The following SPPL3 variants were observed in gnomAD, a reference collection of about 807,000 sequenced individuals.
The protein encoded by SPPL3 is signal peptide peptidase like 3, also known as signal peptide peptidase-like 3.
SPPL3 carries 5 observed loss-of-function variants against 42.4 expected under a neutral mutation model. That is an observed-to-expected ratio of 0.12 (90% confidence interval 0.06 to 0.25). The LOEUF is 0.25. SPPL3 is among the 10% of genes least tolerant of loss of function. SPPL3 has a pLI of 1.00. For synonymous variants in SPPL3, 195 were observed against 181.8 expected, an observed-to-expected ratio of 1.07 and a Z score of -0.58; for missense variants, 235 against 489.0, an observed-to-expected ratio of 0.48 and a Z score of 4.90.
intron 2 of SPPL3, among the ~76,000 whole-genome samples, chr12:120,793,720 AAGCCACCC>A (rs149017571): frequency 0.088 from 13,385 of 152,176 alleles, 1,701 homozygotes; most frequent in African/African-American, 0.28. Context: ...TTTGCTGTTT[AAGCCACCC>A]AGTCTATGGG....
intron 1 of SPPL3, among the ~76,000 whole-genome samples, chr12:120,826,659 G>T (rs1316112042): frequency 3.3e-5 from 5 of 152,138 alleles, no homozygotes; most frequent in African/African-American, 1.2e-4. Flanking sequence ...GCAATAAGAA[G>T]AATATTTAAT....
chr12:120,822,192 A>G (rs1272990922), intron 1 of SPPL3, among the ~76,000 whole-genome samples: 6 of 152,362 alleles, frequency 3.9e-5, no homozygotes, highest in South Asian at 2.1e-4. Context: ...TGCACAAAAC[A>G]TAAGTGAACG....
Position 120,867,060 on chromosome 12 carries a change from C to T in SPPL3, c.23+36785G>A, listed in dbSNP as rs942904197. ...ATTATCTCTCAAACTCTACAATGTA[C>T]TCCTAAGATTTAGCAATTTCTATTG... On this transcript the variant is annotated intron_variant, in intron 1 of 10. Coordinates refer to ENST00000353487, the MANE Select transcript of SPPL3 (RefSeq NM_139015.5). Among the ~76,000 whole-genome samples the T allele has an allele frequency of 3.9e-5, 6 of 152,194 alleles. No homozygotes were observed. The South Asian group carries it at 6.2e-4, about 16-fold the overall frequency.
chr12:120,852,751 ATAT>A lies in SPPL3; in HGVS notation c.24-41868_24-41866del, dbSNP rs1872283628. 2.9e-5 allele frequency among the ~76,000 whole-genome samples: 2 copies of A among 70,086 alleles called. 1 individual carries two copies. Among genetic ancestry groups the A allele is most frequent in the African/African-American group, 1.0e-4 (2 of 19,480 alleles). The allele number at this position is 70,086 out of a possible 152,430, so 46.0% of individuals were successfully genotyped here. A position where few individuals can be genotyped will look rare whatever the true frequency, so the allele number is the denominator to read the frequency against. ...ATAATATACATATAATATATTTCAT[ATAT>A]TATATCTATGTATATTATATATAAA... On this transcript the variant is annotated intron_variant, in intron 1 of 10. Transcript: ENST00000353487.
At chr12:120,793,742 T>G (rs917468302) in intron 2 of SPPL3, among the ~76,000 whole-genome samples, 1 of 152,218 alleles carries the variant, frequency 6.6e-6, no homozygotes, top group African/African-American at 2.4e-5. Context: ...CTATGGGTAT[T>G]TCATGGCAGC....
chr12:120,781,622 G>A (rs983052006), intron 6 of SPPL3, among the ~76,000 whole-genome samples: 13 of 126,928 alleles, frequency 1.0e-4, no homozygotes, highest in South Asian at 2.5e-4. Flanking sequence ...TGCCCAGGCC[G>A]GAGTGCAGTG....
chr12:120,776,331 A>C (rs760802266), intron 6 of SPPL3, among the ~76,000 whole-genome samples: 2 of 152,196 alleles, frequency 1.3e-5, no homozygotes, highest in African/African-American at 2.4e-5. Context: ...CCACTGGGGA[A>C]AAAAGTTTGT....
intron 1 of SPPL3, among the ~76,000 whole-genome samples, chr12:120,827,438 T>C (rs780191564): frequency 3.5e-4 from 53 of 151,898 alleles, no homozygotes; most frequent in Admixed American, 6.6e-5. Flanking sequence ...ACAAGCTGTT[T>C]ACATTTTCCT....
At chr12:120,789,168 T>A (rs568724572) in intron 3 of SPPL3, among the ~76,000 whole-genome samples, 1 of 152,154 alleles carries the variant, frequency 6.6e-6, no homozygotes, top group Non-Finnish European at 1.5e-5. Flanking sequence ...AGAAAGACCA[T>A]TTAGGTTGGG....
At chr12:120,898,349 G>T in intron 1 of SPPL3, among the ~76,000 whole-genome samples, 1 of 139,128 alleles carries the variant, frequency 7.2e-6, no homozygotes, top group East Asian at 2.1e-4. Flanking sequence ...GGGTAGCACA[G>T]AGCAGCCACC....
chr12:120,888,581 C>T (rs1006552894), intron 1 of SPPL3, among the ~76,000 whole-genome samples: 1 of 152,128 alleles, frequency 6.6e-6, no homozygotes, highest in East Asian at 1.9e-4. Context: ...ATGTATCATT[C>T]GATTAACAGA....
At chr12:120,845,260 T>C (rs946417213) in intron 1 of SPPL3, 5 of 388,456 alleles carry the variant, frequency 1.3e-5, no homozygotes, top group African/African-American at 4.3e-5. Context: ...ATTCACGGCA[T>C]TGGAGAGGTC....
chr12:120,856,826 T>C (rs547866542), intron 1 of SPPL3, among the ~76,000 whole-genome samples: 4 of 152,248 alleles, frequency 2.6e-5, no homozygotes, highest in South Asian at 2.1e-4. Context: ...AACAGGGTAT[T>C]TGATGAATCT....
intron 6 of SPPL3, 57 bp from the exon 7 acceptor site, chr12:120,769,116 T>G (rs1869017648): frequency 7.3e-7 from 1 of 1,371,436 alleles, no homozygotes; most frequent in African/African-American, 1.4e-5. Flanking sequence ...AGGCTCATCC[T>G]CTTTCCACAA....
chr12:120,873,381 T>C (rs552303999), intron 1 of SPPL3, among the ~76,000 whole-genome samples: 8 of 152,140 alleles, frequency 5.3e-5, no homozygotes, highest in Middle Eastern at 6.8e-3. Context: ...AAAAAAAATT[T>C]GAAGAAATAA....
chr12:120,845,149 C>A (rs892919346), intron 1 of SPPL3: 9 of 457,260 alleles, frequency 2.0e-5, no homozygotes, highest in African/African-American at 4.1e-5. Context: ...CCAGCCCAGT[C>A]CTTGATAGAG....
chr12:120,881,037 T>C (rs111954160), intron 1 of SPPL3, among the ~76,000 whole-genome samples: 221 of 151,200 alleles, frequency 1.5e-3, no homozygotes, highest in East Asian at 1.4e-3. Flanking sequence ...AGGATGGCTA[T>C]TGAAAGAAAA....
chr12:120,862,984 G>A (rs902742255), intron 1 of SPPL3, among the ~76,000 whole-genome samples: 1 of 152,102 alleles, frequency 6.6e-6, no homozygotes, highest in East Asian at 1.9e-4. Flanking sequence ...CCTCTATCAC[G>A]AAATTCTAAG....
chr12:120,863,872 C>A (rs538166944), intron 1 of SPPL3, among the ~76,000 whole-genome samples: 2 of 150,598 alleles, frequency 1.3e-5, no homozygotes, highest in East Asian at 3.9e-4. Context: ...AGAGATGGAG[C>A]CTTGCTTGCT....
Sources: gnomAD v4.1 joint callset for allele counts (sites outside exome capture counted in the v4.1 genomes callset) on GRCh38, gnomAD v4.1.1 for gene constraint, MANE v1.5 for transcripts, NCBI Gene and HGNC (gene_info 2026-07-23, HGNC 2026-07-21) for gene names.